Variants in VTI1A observed in about 807,000 individuals in gnomAD.
VTI1A encodes vesicle transport through interaction with t-SNAREs homolog 1A.
A neutral mutation model predicts 34.9 loss-of-function variants in VTI1A; 22 were observed. The ratio of observed to expected loss-of-function variants is 0.63; its 90% confidence interval spans 0.45 to 0.90. VTI1A has a LOEUF of 0.90. Ranked by LOEUF, VTI1A falls within the 40% of genes least tolerant of loss-of-function variation. The pLI, the probability that VTI1A is intolerant of heterozygous loss-of-function variation, is 0.00. For missense variants in VTI1A, 268 were observed against 275.6 expected (o/e 0.97, Z 0.20); for synonymous variants, 87 against 97.3 (o/e 0.89, Z 0.62).
At chr10:112,506,025 A>G (rs1262504253) in intron 3 of VTI1A, among the ~76,000 whole-genome samples, 4 of 152,150 alleles carry the variant, frequency 2.6e-5, no homozygotes, top group Admixed American at 2.6e-4. Flanking sequence ...ATAGGTATGT[A>G]TATACAGTCA....
intron 5 of VTI1A, among the ~76,000 whole-genome samples, chr10:112,647,100 A>G (rs1846824181): frequency 6.6e-6 from 1 of 152,242 alleles, no homozygotes; most frequent in Non-Finnish European, 1.5e-5. Context: ...CATTTTCATC[A>G]GGATTTCCAA....
At chr10:112,605,533 G>T (rs1351578354) in intron 5 of VTI1A, among the ~76,000 whole-genome samples, 1 of 152,104 alleles carries the variant, frequency 6.6e-6, no homozygotes, top group African/African-American at 2.4e-5. Flanking sequence ...ACAGCTCTGT[G>T]CACACTGGAG....
At chr10:112,522,386 CTT>C (rs767365653) in intron 3 of VTI1A, among the ~76,000 whole-genome samples, 1 of 152,022 alleles carries the variant, frequency 6.6e-6, no homozygotes, top group Non-Finnish European at 1.5e-5. Flanking sequence ...ACAAGCTGTT[CTT>C]TCATTACTTA....
At chr10:112,743,013 C>CGTGT (rs10612255) in intron 7 of VTI1A, among the ~76,000 whole-genome samples, 6,274 of 141,906 alleles carry the variant, frequency 0.044, 162 homozygotes, top group Non-Finnish European at 0.052. Flanking sequence ...GACCTATTCT[C>CGTGT]GTGTGTGTGT....
intron 3 of VTI1A, among the ~76,000 whole-genome samples, chr10:112,503,068 CA>C (rs1349444517): frequency 6.6e-6 from 1 of 152,096 alleles, no homozygotes; most frequent in Admixed American, 6.5e-5. Flanking sequence ...ATAATCAAAT[CA>C]GGGGACTTGG....
chr10:112,584,301 A>G (rs573695599), intron 5 of VTI1A, among the ~76,000 whole-genome samples: 1 of 152,206 alleles, frequency 6.6e-6, no homozygotes, highest in East Asian at 1.9e-4. Flanking sequence ...ACAGAAATTA[A>G]CAGTCAGAAT....
intron 5 of VTI1A, among the ~76,000 whole-genome samples, chr10:112,561,225 G>A (rs1341587551): frequency 2.0e-5 from 3 of 152,038 alleles, no homozygotes; most frequent in African/African-American, 7.2e-5. Flanking sequence ...AATGAATCTA[G>A]GTTCCCTTTT....
intron 5 of VTI1A, among the ~76,000 whole-genome samples, chr10:112,640,133 A>AT (rs1269093224): frequency 6.6e-6 from 1 of 152,184 alleles, no homozygotes; most frequent in Non-Finnish European, 1.5e-5. Flanking sequence ...CTCTTAAATC[A>AT]TTTTTATTTT....
chr10:112,842,132 G>A, the VTI1A span, among the ~76,000 whole-genome samples: 5 of 135,554 alleles, frequency 3.7e-5, no homozygotes, highest in Admixed American at 3.5e-4. Flanking sequence ...GTGCAATCTC[G>A]GCTCACTGCA....
intron 5 of VTI1A, among the ~76,000 whole-genome samples, chr10:112,634,484 T>C (rs867649613): frequency 7.3e-6 from 1 of 137,508 alleles, no homozygotes; most frequent in South Asian, 2.4e-4. Flanking sequence ...TCTCGGTGGT[T>C]ATACACACAC....
At chr10:112,598,826 G>T (rs188612530) in intron 5 of VTI1A, among the ~76,000 whole-genome samples, 15 of 152,334 alleles carry the variant, frequency 9.8e-5, no homozygotes, top group Non-Finnish European at 1.6e-4. Flanking sequence ...TAATGCTGGT[G>T]TGTAAAGAAA....
intron 7 of VTI1A, among the ~76,000 whole-genome samples, chr10:112,690,497 T>C (rs1289002646): frequency 2.6e-5 from 4 of 152,198 alleles, no homozygotes; most frequent in Non-Finnish European, 5.9e-5. Context: ...CCTATTTTCC[T>C]CATTTACATT....
At chr10:112,690,770 G>T (rs1332993375) in intron 7 of VTI1A, among the ~76,000 whole-genome samples, 2 of 152,188 alleles carry the variant, frequency 1.3e-5, no homozygotes, top group Non-Finnish European at 2.9e-5. Context: ...TCACAGGACT[G>T]GGCCTGTAGA....
chr10:112,585,727 G>A (rs1412810360), intron 5 of VTI1A, among the ~76,000 whole-genome samples: 3 of 148,626 alleles, frequency 2.0e-5, no homozygotes, highest in Non-Finnish European at 3.0e-5. Context: ...CACCATGTCG[G>A]TAACTTTGGA....
chr10:112,620,544 AC>A (rs1464003254), intron 5 of VTI1A, among the ~76,000 whole-genome samples: 3 of 152,222 alleles, frequency 2.0e-5, no homozygotes, highest in Non-Finnish European at 4.4e-5. Context: ...TAATCCCAAA[AC>A]TTTGGGAGGC....
At chr10:112,797,201 G>A (rs531160790) in intron 7 of VTI1A, among the ~76,000 whole-genome samples, 9 of 152,194 alleles carry the variant, frequency 5.9e-5, no homozygotes, top group Non-Finnish European at 1.0e-4. Context: ...ATCTGTCTCC[G>A]AGTAGGTTCT....
Position 112,547,830 on chromosome 10 carries a change from C to T in VTI1A, c.427+9500C>T, listed in dbSNP as rs12098575. ...TGAGAATTAGATAATTCGTGTACAC[C>T]ACTTTGTTTGTTTTTGTTTGTTTGT... On this transcript the variant is annotated intron_variant, in intron 5 of 7. Coordinates refer to ENST00000393077, the MANE Select transcript of VTI1A (RefSeq NM_145206.4). 5.9e-3 allele frequency among the ~76,000 whole-genome samples: 895 copies of T among 152,058 alleles called. 11 individuals are homozygous for T. The highest frequency in any genetic ancestry group is 0.021 in the African/African-American group (852 of 41,464).
At chr10:112,599,184 C>G (rs1040048747) in intron 5 of VTI1A, among the ~76,000 whole-genome samples, 2 of 152,086 alleles carry the variant, frequency 1.3e-5, no homozygotes, top group African/African-American at 4.8e-5. Context: ...CTCAAAAGGC[C>G]CGAAACAAGA....
At chr10:112,646,601 C>G (rs905071284) in intron 5 of VTI1A, among the ~76,000 whole-genome samples, 2 of 151,896 alleles carry the variant, frequency 1.3e-5, no homozygotes, top group Admixed American at 1.3e-4. Context: ...ACCTCTGCCT[C>G]CCAGGTTCAA....
Sources: allele counts gnomAD v4.1 joint callset (sites outside exome capture counted in the v4.1 genomes callset), GRCh38; gene constraint gnomAD v4.1.1; transcripts MANE v1.5; gene names NCBI Gene and HGNC (gene_info 2026-07-23, HGNC 2026-07-21).